The following FCHO2 variants were observed in gnomAD, a reference collection of about 807,000 sequenced individuals.
FCHO2 encodes the protein F-BAR domain only protein 2.
Under a neutral mutation model 114.1 loss-of-function variants are expected in FCHO2, and 43 were observed. The ratio of observed to expected loss-of-function variants is 0.38; its 90% confidence interval spans 0.30 to 0.49. The LOEUF (loss-of-function observed/expected upper bound fraction) is 0.49. FCHO2 is among the 20% of genes least tolerant of loss of function. FCHO2 has a pLI of 0.97. For missense variants in FCHO2, 807 were observed against 950.4 expected, an observed-to-expected ratio of 0.85 and a Z score of 1.98; for synonymous variants, 293 against 315.2, an observed-to-expected ratio of 0.93 and a Z score of 0.75.
intron 1 of FCHO2, among the ~76,000 whole-genome samples, chr5:72,958,408 CA>C (rs1003106224): frequency 6.6e-6 from 1 of 152,050 alleles, no homozygotes; most frequent in Non-Finnish European, 1.5e-5. Flanking sequence ...ATTGTGTATC[CA>C]GTTGTCCCAG....
rs192991394 is a variant in FCHO2, at chr5:73,080,328, T to C, written c.1981-1455T>C. Among the ~76,000 whole-genome samples the C allele has an allele frequency of 2.0e-3, 312 of 152,342 alleles. 3 individuals carry two copies. The highest frequency in any genetic ancestry group is 7.3e-3 in the African/African-American group (302 of 41,586). ...AGGTTATGATCACTTGTTAATAGGATGCAAGTAAAACCTCTTAGAAGGCAA... is the reference window on the plus strand; with the variant it reads ...AGGTTATGATCACTTGTTAATAGGACGCAAGTAAAACCTCTTAGAAGGCAA... On this transcript the variant is annotated intron_variant, in intron 22 of 25. Coordinates refer to ENST00000430046, the MANE Select transcript of FCHO2 (RefSeq NM_138782.3).
chr5:73,044,803 A>G (rs1756978603), intron 11 of FCHO2, among the ~76,000 whole-genome samples: 1 of 151,846 alleles, frequency 6.6e-6, no homozygotes, highest in South Asian at 2.1e-4. Flanking sequence ...TGCCACCACT[A>G]CTTTAGCCAG....
intron 18 of FCHO2, among the ~76,000 whole-genome samples, chr5:73,068,289 T>C: frequency 6.6e-6 from 1 of 152,060 alleles, no homozygotes; most frequent in African/African-American, 2.4e-5. Context: ...TGTAGAGAAA[T>C]AATTTTCTTA....
chr5:73,055,837 C>T (rs1757565975), intron 15 of FCHO2, among the ~76,000 whole-genome samples: 1 of 152,048 alleles, frequency 6.6e-6, no homozygotes, highest in Non-Finnish European at 1.5e-5. Context: ...GTTTAATTGA[C>T]TTAAGTCATT....
At chr5:72,985,241 A>C (rs564363028) in intron 2 of FCHO2, among the ~76,000 whole-genome samples, 1 of 151,726 alleles carries the variant, frequency 6.6e-6, no homozygotes, top group Admixed American at 6.6e-5. Flanking sequence ...ACTCACTGCA[A>C]CCTCCACCTC....
intron 24 of FCHO2, among the ~76,000 whole-genome samples, chr5:73,086,310 T>C (rs1743309982): frequency 2.6e-5 from 4 of 152,214 alleles, no homozygotes. Context: ...GCCTGGATAG[T>C]AATTAAGAAT....
intron 2 of FCHO2, among the ~76,000 whole-genome samples, chr5:72,975,696 G>C (rs548471474): frequency 4.9e-4 from 74 of 152,192 alleles, no homozygotes; most frequent in African/African-American, 1.7e-3. Context: ...ATAGAGACGG[G>C]GTTTTGCCAT....
chr5:73,081,417 C>G (rs900334639), intron 22 of FCHO2, among the ~76,000 whole-genome samples: 1 of 152,152 alleles, frequency 6.6e-6, no homozygotes, highest in Non-Finnish European at 1.5e-5. Flanking sequence ...TATGAAGAAT[C>G]TTTGAATTCT....
At chr5:72,965,808 T>G (rs1273883541) in intron 1 of FCHO2, among the ~76,000 whole-genome samples, 4 of 152,226 alleles carry the variant, frequency 2.6e-5, no homozygotes. Context: ...TGTCCAGGGT[T>G]GTCTATTAAA....
rs530584604 is a variant in FCHO2, at chr5:72,971,386, T to C, written c.125+2797T>C. 9.2e-5 allele frequency among the ~76,000 whole-genome samples: 14 copies of C among 152,224 alleles called. No homozygotes were observed. The East Asian group carries it at 1.2e-3, about 13-fold the overall frequency. Reference sequence around the variant, plus strand: ...TGTTGTTTCCTGACTTTTTAATGATTGCCATTCTAACTGGTGTGAGATGGT... The same window carrying C: ...TGTTGTTTCCTGACTTTTTAATGATCGCCATTCTAACTGGTGTGAGATGGT... On this transcript the variant is annotated intron_variant, in intron 2 of 25. Coordinates refer to ENST00000430046, the MANE Select transcript of FCHO2 (RefSeq NM_138782.3).
At chr5:73,004,784 G>C (rs1027918361) in intron 5 of FCHO2, among the ~76,000 whole-genome samples, 5 of 152,156 alleles carry the variant, frequency 3.3e-5, no homozygotes, top group African/African-American at 1.2e-4. Flanking sequence ...TTTAGAGAGA[G>C]AGAGACCGTA....
At chr5:73,015,190 ATCTG>A (rs918827115) in intron 6 of FCHO2, among the ~76,000 whole-genome samples, 3 of 151,702 alleles carry the variant, frequency 2.0e-5, no homozygotes, top group African/African-American at 7.3e-5. Context: ...TACCTGCTAG[ATCTG>A]TCTGTCTTGA....
chr5:73,075,930 T>C (rs538229486), intron 20 of FCHO2, among the ~76,000 whole-genome samples: 5 of 152,256 alleles, frequency 3.3e-5, no homozygotes, highest in Non-Finnish European at 5.9e-5. Context: ...GATAAAATAC[T>C]TGGTAGTGTA....
At chr5:73,042,513 A>G (rs1756852400) in intron 11 of FCHO2, among the ~76,000 whole-genome samples, 3 of 152,190 alleles carry the variant, frequency 2.0e-5, no homozygotes, top group Non-Finnish European at 1.5e-5. Flanking sequence ...AATGATCAAT[A>G]TTATCCAATT....
chr5:73,043,743 A>T (rs891570260), intron 11 of FCHO2, among the ~76,000 whole-genome samples: 6 of 152,120 alleles, frequency 3.9e-5, no homozygotes, highest in Non-Finnish European at 7.4e-5. Flanking sequence ...AATAAGATAA[A>T]TATGTGGATA....
intron 19 of FCHO2, among the ~76,000 whole-genome samples, chr5:73,071,485 T>C (rs559851528): frequency 6.6e-6 from 1 of 152,136 alleles, no homozygotes; most frequent in South Asian, 2.1e-4. Context: ...CATTGATTGT[T>C]ATAAGAAGGT....
chr5:73,051,049 G>C (rs184440284), intron 11 of FCHO2: 8 of 284,210 alleles, frequency 2.8e-5, no homozygotes, highest in Admixed American at 1.6e-4. Context: ...AGAAACTGTA[G>C]ATTTTGAGCA....
rs578054880 is a variant in FCHO2, at chr5:72,965,005, A to T, written c.34-3493A>T. Among the ~76,000 whole-genome samples the T allele has an allele frequency of 9.1e-5, 13 of 142,324 alleles. No homozygotes were observed. In the South Asian group the frequency reaches 2.8e-3, roughly 31 times the overall value. 93.4% of individuals were successfully genotyped at this position (142,324 alleles called of 152,430 possible). ...TAGCAGCCATCTTGGTTATCAGATT[A>T]AAAAAAAAAAACAGTGTATAAAGGG... On this transcript the variant is annotated intron_variant, in intron 1 of 25. Coordinates refer to ENST00000430046, the MANE Select transcript of FCHO2 (RefSeq NM_138782.3).
chr5:73,014,050 A>C (rs1320867907), intron 6 of FCHO2, among the ~76,000 whole-genome samples: 1 of 152,098 alleles, frequency 6.6e-6, no homozygotes, highest in African/African-American at 2.4e-5. Flanking sequence ...TGGGGATATC[A>C]GAGTAACTTG....
Sources: allele counts gnomAD v4.1 joint callset (sites outside exome capture counted in the v4.1 genomes callset), GRCh38; gene constraint gnomAD v4.1.1; transcripts MANE v1.5; gene names NCBI Gene and HGNC (gene_info 2026-07-23, HGNC 2026-07-21).